The following GTF3C1 variants were observed in gnomAD, a reference collection of about 807,000 sequenced individuals.
GTF3C1 encodes general transcription factor IIIC subunit 1.
Under a neutral mutation model 226.7 loss-of-function variants are expected in GTF3C1, and 57 were observed. The ratio of observed to expected loss-of-function variants is 0.25; its 90% CI spans 0.20 to 0.31. The LOEUF is 0.31. Among genes scored for constraint, GTF3C1 ranks in the 10% least tolerant of loss-of-function variants. The probability of loss-of-function intolerance (pLI) is 1.00; values close to 1 mark genes in which losing one functional copy is unlikely to be tolerated. For missense variants in GTF3C1, 2,217 were observed against 2,776.1 expected (o/e 0.80, Z 4.53); for synonymous variants, 1,090 against 1,084.8 (o/e 1.00, Z -0.09).
At chr16:27,478,105 A>G (rs976897884) in intron 28 of GTF3C1, among the ~76,000 whole-genome samples, 1 of 152,150 alleles carries the variant, frequency 6.6e-6, no homozygotes, top group East Asian at 1.9e-4. Flanking sequence ...AAGGAGGCAG[A>G]GGCTGCAGTG....
At chr16:27,481,221 C>A (rs773507487) in intron 26 of GTF3C1, 30 bp from the exon 27 acceptor site, 8 of 1,581,704 alleles carry the variant, frequency 5.1e-6, no homozygotes, top group South Asian at 3.3e-5. Context: ...AGAGGTTAAG[C>A]CCTTACTCTT....
At chr16:27,489,531 G>A (rs2088199704) in intron 20 of GTF3C1, 71 bp downstream of exon 20, 13 of 1,236,478 alleles carry the variant, frequency 1.1e-5, no homozygotes, top group Non-Finnish European at 1.4e-5. Context: ...CCAGACAAGG[G>A]CGGGCAGGCA....
intron 1 of GTF3C1, among the ~76,000 whole-genome samples, chr16:27,546,732 C>T (rs1210993463): frequency 1.3e-5 from 2 of 151,946 alleles, no homozygotes; most frequent in African/African-American, 2.4e-5. Flanking sequence ...CCTTTCCTTC[C>T]TTGCCCCCTC....
chr16:27,488,241 T>C lies in GTF3C1; in HGVS notation c.3686A>G (p.Lys1229Arg). The C allele has an allele frequency of 6.2e-7, 1 of 1,613,962 alleles. No individual in the cohort carries two copies. The highest frequency in any genetic ancestry group is 8.5e-7 in the Non-Finnish European group (1 of 1,179,894). The change falls in exon 23 of 37, where the codon AAG becomes AGG. Residue 1229 changes from lysine to arginine, a missense_variant. Around this residue, in one of 12 missense-constraint regions of GTF3C1, gnomAD observed 546 missense variants for 663.0 expected, o/e 0.82. Coordinates refer to ENST00000356183, the MANE Select transcript of GTF3C1 (RefSeq NM_001520.4). Reference sequence around the variant, plus strand: ...CACCACATAACCTTTCTTCTTTCTCTTGATCTTCTTCCCAGGGTCCTTCTT... The same window carrying C: ...CACCACATAACCTTTCTTCTTTCTCCTGATCTTCTTCCCAGGGTCCTTCTT... ...RLKKDPGKKI[K>R]RKKKGEFPGE... is the part of the protein sequence containing the mutation.
chr16:27,470,323 G>A lies in GTF3C1; in HGVS notation c.4599C>T (p.Ala1533=), dbSNP rs543214551. ...SFQFLDRMRA[A]GKLDQPDRFS... ...AACGATCAGGCTGGTCCAACTTGCC[G>A]GCAGCCCGCATTCTGTCCAAAAACT... Residue 1533 remains alanine, a synonymous_variant, in exon 31 of 37, where the codon GCC becomes GCT. Transcript: ENST00000356183. This position sits in a 1 kb window ranked among gnomAD's most constrained non-coding sequence, Gnocchi z 4.9. 2.0e-5 allele frequency: 32 copies of A among 1,613,710 alleles called. No individual in the cohort carries two copies. Among genetic ancestry groups the A allele is most frequent in the African/African-American group, 1.1e-4 (8 of 75,040 alleles).
rs1315047550 is a variant in GTF3C1, at chr16:27,463,791, C to T, written c.5873-199G>A. 5 of 604,030 alleles carry T rather than the reference C, an allele frequency of 8.3e-6. No individual in the cohort carries two copies. Among genetic ancestry groups the T allele is most frequent in the South Asian group, 2.0e-5 (1 of 51,158 alleles). 37.4% of individuals were successfully genotyped at this position (604,030 alleles called of 1,614,324 possible). A position where few individuals can be genotyped will look rare whatever the true frequency, so the allele number is the denominator to read the frequency against. ...GGGCCGGGCAGACTGCCGCACACAG[C>T]GCCACATGCAAGCAGCGTCCCAGGC... On this transcript the variant is annotated intron_variant, in intron 34 of 36. Transcript: ENST00000356183. This position sits in a 1 kb window ranked among gnomAD's most constrained non-coding sequence, Gnocchi z 4.9.
At chr16:27,487,693 T>A (rs557360755) in intron 23 of GTF3C1, among the ~76,000 whole-genome samples, 1 of 152,312 alleles carries the variant, frequency 6.6e-6, no homozygotes, top group South Asian at 2.1e-4. Context: ...CTTGAGAGGC[T>A]GAGGCAGGAG....
rs969354115 is a variant in GTF3C1, at chr16:27,492,819, C to G, written c.2877-106G>C. The G allele has an allele frequency of 4.1e-6, 3 of 740,098 alleles. No individual in the cohort carries two copies. The highest frequency in any genetic ancestry group is 1.7e-5 in the African/African-American group (1 of 57,838). 45.8% of individuals were successfully genotyped at this position (740,098 alleles called of 1,614,324 possible). A position where few individuals can be genotyped will look rare whatever the true frequency, so the allele number is the denominator to read the frequency against. On this transcript the variant is annotated intron_variant, in intron 17 of 36. Transcript: ENST00000356183. The surrounding 1 kb of genome is among the most constrained non-coding windows in gnomAD (Gnocchi z 5.0). The stretch of plus-strand genomic sequence containing the variant: ...TGCGACTTCCTTCTTCTCTTTTCCA[C>G]CTGGTGGTCACTGGAGGACCAGCCT...
intron 33 of GTF3C1, 64 bp from the exon 34 acceptor site, chr16:27,464,900 G>A: frequency 7.5e-7 from 1 of 1,340,524 alleles, no homozygotes; most frequent in African/African-American, 1.5e-5. Flanking sequence ...TGGTGACGGG[G>A]GACGAGTGGA....
rs746281449 is a variant in GTF3C1 at position 27,486,085 on chromosome 16, C to T, written c.3770G>A (p.Arg1257Gln). 27 of 1,606,882 alleles carry T rather than the reference C, an allele frequency of 1.7e-5. No individual in the cohort carries two copies. The highest frequency in any genetic ancestry group is 2.2e-5 in the East Asian group (1 of 44,800). Residue 1257 changes from arginine to glutamine, a missense_variant, in exon 24 of 37, where the codon CGG (arginine) becomes CAG (glutamine). Arg to Gln is a conservative substitution (Grantham distance 43). Transcript: ENST00000356183. Reference sequence around the variant, plus strand: ...CCAGGTGACACGAAGCCGCGTCATCCGCTGCAGGGCACTCTGGTCGGCTTC... The same window carrying T: ...CCAGGTGACACGAAGCCGCGTCATCTGCTGCAGGGCACTCTGGTCGGCTTC... Reference protein sequence around the residue: ...HDEADQSALQRMTRLRVTWSM... With the variant: ...HDEADQSALQQMTRLRVTWSM...
rs769533707 is a variant in GTF3C1 at position 27,494,865 on chromosome 16, G to A, written c.2676C>T (p.Ile892=). 33 of 1,613,272 alleles carry A rather than the reference G, an allele frequency of 2.0e-5. 1 individual carries two copies. The South Asian group carries it at 3.5e-4, about 17-fold the overall frequency. The stretch of plus-strand genomic sequence containing the variant: ...CAAAGCCGAAGTCCCTGTGGACTGG[G>A]ATTGGGGGGATGTAGCGCATCCACG... ...DASWMRYIPP[I]PVHRDFGFGW... The change falls in exon 16 of 37, where the codon ATC becomes ATT. Residue 892 remains isoleucine (I), a synonymous_variant. Transcript: ENST00000356183.
chr16:27,523,180 C>A (rs1439780725), intron 6 of GTF3C1, among the ~76,000 whole-genome samples: 1 of 152,144 alleles, frequency 6.6e-6, no homozygotes, highest in Non-Finnish European at 1.5e-5. Flanking sequence ...TTTCTCTTCT[C>A]AGCACAATTT....
chr16:27,549,601 C>G, intron 1 of GTF3C1, 69 bp downstream of exon 1: 1 of 801,894 alleles, frequency 1.2e-6, no homozygotes, highest in Admixed American at 2.4e-5. Context: ...CCCCGCCCTG[C>G]CCCCAGCTCC....
intron 1 of GTF3C1, among the ~76,000 whole-genome samples, chr16:27,546,538 A>C (rs1424465084): frequency 6.9e-6 from 1 of 144,658 alleles, no homozygotes; most frequent in Non-Finnish European, 1.5e-5. Flanking sequence ...TTTTCCCCTC[A>C]CTATGTTGCC....
chr16:27,488,705 A>G, intron 21 of GTF3C1, 70 bp from the exon 22 acceptor site: 3 of 1,298,196 alleles, frequency 2.3e-6, no homozygotes, highest in Non-Finnish European at 2.2e-6. Context: ...AGAGTAACAA[A>G]TGCACCGAGG....
intron 27 of GTF3C1, among the ~76,000 whole-genome samples, chr16:27,480,398 A>C (rs1385532753): frequency 1.3e-5 from 2 of 152,162 alleles, no homozygotes; most frequent in East Asian, 3.8e-4. Flanking sequence ...AACGAGTACA[A>C]ACTGCTCTTT....
At chr16:27,505,042 T>C (rs920637729) in intron 10 of GTF3C1, among the ~76,000 whole-genome samples, 4 of 152,092 alleles carry the variant, frequency 2.6e-5, no homozygotes, top group Non-Finnish European at 2.9e-5. Context: ...CTACTCAGTG[T>C]TTCCAAAATA....
intron 27 of GTF3C1, among the ~76,000 whole-genome samples, chr16:27,478,958 G>C (rs1317236692): frequency 6.6e-6 from 1 of 152,070 alleles, no homozygotes; most frequent in African/African-American, 2.4e-5. Flanking sequence ...CTGGGAAGTG[G>C]AAGGGAAGGA....
intron 14 of GTF3C1, among the ~76,000 whole-genome samples, chr16:27,497,130 C>G (rs968651990): frequency 6.6e-6 from 1 of 152,136 alleles, no homozygotes; most frequent in Admixed American, 6.5e-5. Flanking sequence ...TGCTATGGCC[C>G]GGAGAGGAGC....
Sources: allele counts gnomAD v4.1 joint callset (sites outside exome capture counted in the v4.1 genomes callset), GRCh38; gene constraint gnomAD v4.1.1; regional missense constraint gnomAD v4.1.1; non-coding constraint Gnocchi (gnomAD v3.1); transcripts MANE v1.5; gene names NCBI Gene and HGNC (gene_info 2026-07-23, HGNC 2026-07-21).